The following CRPPA variants were observed in gnomAD, a reference collection of about 807,000 sequenced individuals.
CRPPA encodes the protein D-ribitol-5-phosphate cytidylyltransferase.
Under a neutral mutation model 52.0 loss-of-function variants are expected in CRPPA, and 43 were observed. That is an observed-to-expected ratio of 0.83 (90% CI 0.65 to 1.07). CRPPA has a LOEUF of 1.07. Among genes scored for constraint, CRPPA ranks in the 50% least tolerant of loss-of-function variants. The pLI is 0.00. For missense variants in CRPPA, 629 were observed against 551.7 expected, an observed-to-expected ratio of 1.14 and a Z score of -1.40; for synonymous variants, 250 against 203.5, an observed-to-expected ratio of 1.23 and a Z score of -1.94.
intron 5 of CRPPA, among the ~76,000 whole-genome samples, chr7:16,283,866 A>G (rs1035930790): frequency 1.3e-5 from 2 of 152,078 alleles, no homozygotes; most frequent in Non-Finnish European, 2.9e-5. Context: ...AAGGTAACAT[A>G]TTTAATAACT....
rs957740375 is a variant in CRPPA, at chr7:16,380,741, T to G, written c.535-4500A>C. ...TGGGAGGGTGTATGTGTCGAGGAATTTATCCATTTCTTCTAGATTTTCTAG... is the reference window on the plus strand; with the variant it reads ...TGGGAGGGTGTATGTGTCGAGGAATGTATCCATTTCTTCTAGATTTTCTAG... On this transcript the variant is annotated intron_variant, in intron 2 of 9. Coordinates refer to ENST00000407010, the MANE Select transcript of CRPPA (RefSeq NM_001101426.4). Among the ~76,000 whole-genome samples, 21 of 152,320 alleles carry G rather than the reference T, an allele frequency of 1.4e-4. No homozygotes were observed. The East Asian group carries it at 2.9e-3, about 21-fold the overall frequency.
intron 8 of CRPPA, among the ~76,000 whole-genome samples, chr7:16,247,651 TG>T (rs1009888404): frequency 1.3e-5 from 2 of 151,936 alleles, no homozygotes; most frequent in African/African-American, 4.8e-5. Context: ...GTGGGAAAAA[TG>T]GTACCAATAG....
intron 9 of CRPPA, among the ~76,000 whole-genome samples, chr7:16,139,595 G>T (rs1782828909): frequency 1.3e-5 from 2 of 152,008 alleles, no homozygotes; most frequent in South Asian, 4.1e-4. Flanking sequence ...GATTACTTTT[G>T]CACTAACCTA....
intron 9 of CRPPA, among the ~76,000 whole-genome samples, chr7:16,162,273 T>A (rs375803187): frequency 6.6e-6 from 1 of 152,308 alleles, no homozygotes; most frequent in Non-Finnish European, 1.5e-5. Context: ...GATATGAGGG[T>A]GTCAATTTTA....
intron 1 of CRPPA, among the ~76,000 whole-genome samples, chr7:16,416,141 A>T (rs950240987): frequency 2.0e-5 from 3 of 152,172 alleles, no homozygotes; most frequent in Non-Finnish European, 4.4e-5. Flanking sequence ...CAGGGCATCA[A>T]TTTCAAACTA....
At chr7:16,163,450 G>A (rs1780962984) in intron 9 of CRPPA, among the ~76,000 whole-genome samples, 1 of 151,938 alleles carries the variant, frequency 6.6e-6, no homozygotes, top group Non-Finnish European at 1.5e-5. Flanking sequence ...GCACACTGAT[G>A]GGTCTTGACT....
At position 16,160,562 on chromosome 7, in the gene CRPPA, T is replaced by C. The variant is rs529475213; in HGVS notation, c.1251+55504A>G. On this transcript the variant is annotated intron_variant, in intron 9 of 9. Transcript: ENST00000407010. ...AGCAGTACCGTGCTGCTTTTGTTAC[T>C]GTAGCCTTGTAGTATAGATTGAAGT... Among the ~76,000 whole-genome samples the C allele has an allele frequency of 2.4e-4, 36 of 152,352 alleles. No individual in the cohort carries two copies. In the South Asian group the frequency reaches 3.1e-3, roughly 13 times the overall value.
chr7:16,146,306 T>G (rs1782974162), intron 9 of CRPPA, among the ~76,000 whole-genome samples: 1 of 152,032 alleles, frequency 6.6e-6, no homozygotes, highest in African/African-American at 2.4e-5. Flanking sequence ...TATCTCTTTA[T>G]TTGTTCTTTC....
rs1583348777 is a variant in CRPPA, at chr7:16,091,514, ATTCT to A, written c.*177_*180del. ...ATTAATATTTGTCATACACAAAAGT[ATTCT>A]TTATTTCACAGATATAAACATTAAT... On this transcript the variant is annotated 3_prime_UTR_variant, in exon 10 of 10. Transcript: ENST00000407010. The A allele has an allele frequency of 2.1e-6, 1 of 487,550 alleles. No homozygotes were observed. Among genetic ancestry groups the A allele is most frequent in the East Asian group, 3.8e-5 (1 of 26,454 alleles). The allele number at this position is 487,550 out of a possible 1,614,324, so 30.2% of individuals were successfully genotyped here.
intron 9 of CRPPA, among the ~76,000 whole-genome samples, chr7:16,116,286 G>A (rs1050251508): frequency 6.6e-6 from 1 of 152,238 alleles, no homozygotes; most frequent in Middle Eastern, 3.4e-3. Context: ...ATTTATTCAT[G>A]AGAAAACAGC....
intron 6 of CRPPA, among the ~76,000 whole-genome samples, chr7:16,273,865 G>T (rs1784146735): frequency 6.6e-6 from 1 of 152,146 alleles, no homozygotes; most frequent in African/African-American, 2.4e-5. Flanking sequence ...CGCCCAGAAG[G>T]ACTTGTCCTG....
intron 9 of CRPPA, among the ~76,000 whole-genome samples, chr7:16,125,362 C>T (rs1782557351): frequency 6.6e-6 from 1 of 151,980 alleles, no homozygotes; most frequent in Non-Finnish European, 1.5e-5. Flanking sequence ...CCCTTGCCCC[C>T]CAGTCATAAA....
intron 9 of CRPPA, among the ~76,000 whole-genome samples, chr7:16,114,672 A>G (rs1431019847): frequency 6.6e-6 from 1 of 152,090 alleles, no homozygotes; most frequent in Non-Finnish European, 1.5e-5. Context: ...GGGAGAAGAA[A>G]TATTTGGCAA....
intron 3 of CRPPA, among the ~76,000 whole-genome samples, chr7:16,375,217 T>C (rs1366974580): frequency 6.6e-6 from 1 of 152,220 alleles, no homozygotes; most frequent in African/African-American, 2.4e-5. Flanking sequence ...TCTGGGATAC[T>C]ACCCTCTAAT....
intron 9 of CRPPA, among the ~76,000 whole-genome samples, chr7:16,167,922 T>C (rs1467460317): frequency 2.0e-5 from 3 of 152,210 alleles, no homozygotes; most frequent in Non-Finnish European, 2.9e-5. Flanking sequence ...CAGAACACTT[T>C]GTCTTATTCC....
rs1174309979 is a variant in CRPPA, at chr7:16,089,483, A to G, written c.*2212T>C. 6.4e-6 allele frequency: 2 copies of G among 314,592 alleles called. No individual in the cohort carries two copies. The highest frequency in any genetic ancestry group is 1.4e-5 in the Non-Finnish European group (2 of 143,546). 19.5% of individuals were successfully genotyped at this position (314,592 alleles called of 1,614,324 possible). A position where few individuals can be genotyped will look rare whatever the true frequency, so the allele number is the denominator to read the frequency against. On this transcript the variant is annotated 3_prime_UTR_variant, in exon 10 of 10. Transcript: ENST00000407010. ...TGTGTATATATGTACGTACATATAT[A>G]CGGGTATATATGTACGTACATACAT...
intron 9 of CRPPA, among the ~76,000 whole-genome samples, chr7:16,201,473 A>C (rs554253081): frequency 2.2e-4 from 33 of 152,240 alleles, no homozygotes; most frequent in African/African-American, 7.9e-4. Flanking sequence ...ACATTCCCCT[A>C]TTCTAAGCCC....
intron 3 of CRPPA, among the ~76,000 whole-genome samples, chr7:16,335,668 T>C (rs368401902): frequency 5.5e-4 from 84 of 152,136 alleles, no homozygotes; most frequent in African/African-American, 2.0e-3. Flanking sequence ...CTTTGCATAA[T>C]AGGAGTTCCT....
chr7:16,275,074 TA>T (rs35395112), intron 6 of CRPPA, among the ~76,000 whole-genome samples: 4 of 150,600 alleles, frequency 2.7e-5, no homozygotes, highest in Admixed American at 1.3e-4. Flanking sequence ...AGACAGTGTC[TA>T]AAAAAAAATA....
Sources: allele counts gnomAD v4.1 joint callset (sites outside exome capture counted in the v4.1 genomes callset), GRCh38; gene constraint gnomAD v4.1.1; transcripts MANE v1.5; gene names NCBI Gene and HGNC (gene_info 2026-07-23, HGNC 2026-07-21).